Variants in ANO6 observed in about 807,000 individuals in gnomAD.
ANO6 encodes the protein anoctamin 6, also known as anoctamin-6.
Under a neutral mutation model 117.5 loss-of-function variants are expected in ANO6, and 106 were observed. The observed-to-expected ratio is 0.90, with a 90% CI of 0.77 to 1.06. ANO6 has a LOEUF of 1.06. ANO6 is among the 50% of genes least tolerant of loss of function. ANO6 has a pLI of 0.00. For synonymous variants in ANO6, 367 were observed against 385.1 expected, an observed-to-expected ratio of 0.95 and a Z score of 0.55; for missense variants, 955 against 1,121.1, an observed-to-expected ratio of 0.85 and a Z score of 2.12.
At chr12:45,392,719 T>G (rs966576620) in intron 12 of ANO6, among the ~76,000 whole-genome samples, 1 of 152,200 alleles carries the variant, frequency 6.6e-6, no homozygotes, top group Non-Finnish European at 1.5e-5. Context: ...AAACAGGGTC[T>G]GGAGTGGAAC....
chr12:45,216,100 C>T lies in ANO6; in HGVS notation c.-222C>T. 2 of 556,790 alleles carry T rather than the reference C, an allele frequency of 3.6e-6. No individual in the cohort carries two copies. Among genetic ancestry groups the T allele is most frequent in the South Asian group, 2.1e-5 (1 of 48,298 alleles). The allele number at this position is 556,790 out of a possible 1,614,324, so 34.5% of individuals were successfully genotyped here. A position where few individuals can be genotyped will look rare whatever the true frequency, so the allele number is the denominator to read the frequency against. ...CGGCCGCACTGGGCATGCTCAGTCT[C>T]CGGGCTCCGCTCGGCAGGCGAGAGG... On this transcript the variant is annotated 5_prime_UTR_variant, in exon 1 of 20. Transcript: ENST00000320560.
chr12:45,238,544 C>A (rs1565637869), intron 1 of ANO6, among the ~76,000 whole-genome samples: 2 of 152,130 alleles, frequency 1.3e-5, no homozygotes, highest in Admixed American at 6.5e-5. Context: ...TTATTCCTTT[C>A]TCTTGCCTGA....
chr12:45,432,018 A>G lies in ANO6; in HGVS notation c.*2707A>G. ...AAACAAGGCCATCTTATAAACTGTC[A>G]CCAAAGTCTTCCCTTTTTTATTGCA... On this transcript the variant is annotated 3_prime_UTR_variant, in exon 20 of 20. Transcript: ENST00000320560. 1.0e-6 allele frequency: 1 copy of G among 985,416 alleles called. No homozygotes were observed. The highest frequency in any genetic ancestry group is 1.2e-6 in the Non-Finnish European group (1 of 829,898). 61.0% of individuals were successfully genotyped at this position (985,416 alleles called of 1,614,324 possible). A position where few individuals can be genotyped will look rare whatever the true frequency, so the allele number is the denominator to read the frequency against.
At chr12:45,224,642 C>T (rs1947454202) in intron 1 of ANO6, among the ~76,000 whole-genome samples, 1 of 152,152 alleles carries the variant, frequency 6.6e-6, no homozygotes, top group African/African-American at 2.4e-5. Flanking sequence ...TCTTAAAATA[C>T]TTTATTTGGT....
At chr12:45,377,515 T>C (rs1942060071) in intron 9 of ANO6, among the ~76,000 whole-genome samples, 1 of 152,192 alleles carries the variant, frequency 6.6e-6, no homozygotes, top group Non-Finnish European at 1.5e-5. Context: ...AAGCCATCAT[T>C]GGGTTTAAGA....
chr12:45,408,714 G>GA (rs1943009658), intron 15 of ANO6, among the ~76,000 whole-genome samples: 1 of 151,948 alleles, frequency 6.6e-6, no homozygotes, highest in African/African-American at 2.4e-5. Context: ...TCCCTCCGAG[G>GA]AAAAAAATGC....
intron 8 of ANO6, among the ~76,000 whole-genome samples, chr12:45,363,837 T>A (rs1288660225): frequency 6.6e-6 from 1 of 152,224 alleles, no homozygotes; most frequent in African/African-American, 2.4e-5. Context: ...TGCCTCCATA[T>A]AAGACATGCC....
chr12:45,263,673 G>T (rs935633244), intron 1 of ANO6, among the ~76,000 whole-genome samples: 1 of 152,114 alleles, frequency 6.6e-6, no homozygotes, highest in African/African-American at 2.4e-5. Context: ...TGAAGAATGG[G>T]GGCTGAGAAG....
intron 1 of ANO6, among the ~76,000 whole-genome samples, chr12:45,262,649 C>T (rs1349608645): frequency 6.6e-6 from 1 of 152,154 alleles, no homozygotes; most frequent in African/African-American, 2.4e-5. Context: ...GTCTCAAACT[C>T]CCAACCTCAG....
intron 16 of ANO6, among the ~76,000 whole-genome samples, chr12:45,410,918 T>A (rs1471128206): frequency 6.6e-6 from 1 of 152,222 alleles, no homozygotes; most frequent in Non-Finnish European, 1.5e-5. Flanking sequence ...TGGAGCCTGT[T>A]TTGAATTTCA....
intron 12 of ANO6, among the ~76,000 whole-genome samples, chr12:45,396,105 C>T (rs867427176): frequency 1.1e-4 from 16 of 152,130 alleles, no homozygotes; most frequent in African/African-American, 3.6e-4. Flanking sequence ...ATCATCTCAG[C>T]CCAAAATCTC....
At chr12:45,436,725 T>C (rs1320369460), downstream of ANO6, among the ~76,000 whole-genome samples, 2 of 152,208 alleles carry the variant, frequency 1.3e-5, no homozygotes, top group African/African-American at 2.4e-5. Flanking sequence ...CCCAGCACTT[T>C]GGGAGGCCGA....
In ANO6 at chr12:45,403,590, A is replaced by T. The variant is rs906080749; in HGVS notation, c.1880+54A>T. The T allele has an allele frequency of 2.1e-6, 3 of 1,442,224 alleles. No individual in the cohort carries two copies. The African/African-American group carries it at 4.2e-5, about 20-fold the overall frequency. 89.3% of individuals were successfully genotyped at this position (1,442,224 alleles called of 1,614,324 possible). On this transcript the variant is annotated intron_variant, in intron 15 of 19. Transcript: ENST00000320560. ...AAAAGGACAAGGGATAGAACAGCCC[A>T]TCCACACAAATCATTTGCCTACATA... is the stretch of plus-strand genomic sequence containing the variant.
At chr12:45,347,162 G>T (rs1183005874) in intron 4 of ANO6, 75 bp downstream of exon 4, 5 of 1,429,094 alleles carry the variant, frequency 3.5e-6, no homozygotes, top group Non-Finnish European at 4.9e-6. Context: ...GAATACTTGG[G>T]TGACATTGGA....
intron 1 of ANO6, among the ~76,000 whole-genome samples, chr12:45,222,757 T>G (rs1947423429): frequency 6.6e-6 from 1 of 152,228 alleles, no homozygotes; most frequent in Non-Finnish European, 1.5e-5. Flanking sequence ...CTACCTTGTC[T>G]GAATGTAGGC....
intron 10 of ANO6, chr12:45,383,056 T>C (rs906990313): frequency 6.4e-6 from 1 of 156,854 alleles, no homozygotes; most frequent in South Asian, 2.0e-4. Context: ...CTTTGAAAAT[T>C]GGAGTCAATC....
At position 45,281,200 on chromosome 12, in the gene ANO6, CTG is replaced by C. The variant is rs907454385; in HGVS notation, c.71-20810_71-20809del. On this transcript the variant is annotated intron_variant, in intron 1 of 19. Coordinates refer to ENST00000320560, the MANE Select transcript of ANO6 (RefSeq NM_001025356.3). ...TTTAGTAAATATGTATTAGGGTCAA[CTG>C]TGTACAAAGATTCTGGCTAACTACT... Among the ~76,000 whole-genome samples, 83 of 152,306 alleles carry C rather than the reference CTG, an allele frequency of 5.4e-4. 1 individual carries two copies. Among genetic ancestry groups the C allele is most frequent in the African/African-American group, 1.9e-3 (80 of 41,578 alleles).
At position 45,293,024 on chromosome 12, in the gene ANO6, A is replaced by G. The variant is rs544889975; in HGVS notation, c.71-8990A>G. 2,015 of 1,521,968 alleles carry G rather than the reference A, an allele frequency of 1.3e-3. 4 individuals carry two copies. Among genetic ancestry groups the G allele is most frequent in the Non-Finnish European group, 1.3e-3 (1,421 of 1,127,624 alleles). 94.3% of individuals were successfully genotyped at this position (1,521,968 alleles called of 1,614,324 possible). A position where few individuals can be genotyped will look rare whatever the true frequency, so the allele number is the denominator to read the frequency against. On this transcript the variant is annotated intron_variant, in intron 1 of 19. Coordinates refer to ENST00000320560, the MANE Select transcript of ANO6 (RefSeq NM_001025356.3). ...GCTCCTTTTTTATAAATATTGTCCA[A>G]ATATTTGATGAGTATTTGGTCTTGA... is the stretch of plus-strand genomic sequence containing the variant.
At chr12:45,403,407 A>T (rs1942848076) in intron 14 of ANO6, 32 bp from the exon 15 acceptor site, 1 of 1,568,212 alleles carries the variant, frequency 6.4e-7, no homozygotes, top group Admixed American at 1.7e-5. Flanking sequence ...TCCATTGAAT[A>T]TTTAAATGGT....
Sources: gnomAD v4.1 joint callset for allele counts (sites outside exome capture counted in the v4.1 genomes callset) on GRCh38, gnomAD v4.1.1 for gene constraint, MANE v1.5 for transcripts, NCBI Gene and HGNC (gene_info 2026-07-23, HGNC 2026-07-21) for gene names.